The following CAMKMT variants were observed in gnomAD, a reference collection of about 807,000 sequenced individuals.
CAMKMT encodes the protein CaM KMT.
A neutral mutation model predicts 48.0 loss-of-function variants in CAMKMT; 53 were observed. The observed-to-expected ratio is 1.10, with a 90% CI of 0.89 to 1.39. CAMKMT has a LOEUF of 1.39. Among genes scored for constraint, CAMKMT ranks in the 40% most tolerant of loss-of-function variants. The probability of loss-of-function intolerance (pLI) is 0.00; values close to 1 mark genes in which losing one functional copy is unlikely to be tolerated. For synonymous variants in CAMKMT, 165 were observed against 152.3 expected (o/e 1.08, Z -0.61); for missense variants, 428 against 402.7 (o/e 1.06, Z -0.54).
intron 2 of CAMKMT, among the ~76,000 whole-genome samples, chr2:44,388,840 T>G (rs1364166786): frequency 6.6e-6 from 1 of 152,074 alleles, no homozygotes; most frequent in Non-Finnish European, 1.5e-5. Context: ...CTGCACAGAG[T>G]CCTGTGATGT....
intron 3 of CAMKMT, among the ~76,000 whole-genome samples, chr2:44,525,380 G>A (rs1671351879): frequency 6.6e-6 from 1 of 151,742 alleles, no homozygotes; most frequent in South Asian, 2.1e-4. Context: ...CTCAGCCTCC[G>A]AGTAGCTGGG....
At chr2:44,615,167 C>T (rs57320336) in intron 3 of CAMKMT, among the ~76,000 whole-genome samples, 2 of 151,662 alleles carry the variant, frequency 1.3e-5, no homozygotes, top group African/African-American at 4.9e-5. Context: ...CTCAAGTGAT[C>T]CCCCGACCTC....
At chr2:44,476,114 C>T (rs1572605898) in intron 3 of CAMKMT, among the ~76,000 whole-genome samples, 1 of 152,038 alleles carries the variant, frequency 6.6e-6, no homozygotes, top group Non-Finnish European at 1.5e-5. Context: ...TCTAAAATGC[C>T]TTTTGTCCTC....
chr2:44,620,398 T>C (rs1231919609), intron 3 of CAMKMT, among the ~76,000 whole-genome samples: 3 of 152,200 alleles, frequency 2.0e-5, no homozygotes, highest in African/African-American at 7.2e-5. Context: ...CATCCTATCA[T>C]TAACCCTACA....
At chr2:44,700,180 A>G (rs1270012507) in intron 3 of CAMKMT, among the ~76,000 whole-genome samples, 1 of 152,230 alleles carries the variant, frequency 6.6e-6, no homozygotes, top group East Asian at 1.9e-4. Context: ...TTCAGCCTTC[A>G]TAGAATTGAA....
intron 3 of CAMKMT, among the ~76,000 whole-genome samples, chr2:44,416,088 A>G (rs1444855634): frequency 6.6e-6 from 1 of 152,218 alleles, no homozygotes; most frequent in Non-Finnish European, 1.5e-5. Context: ...ATATCAATTT[A>G]TGAAGTATGG....
At chr2:44,464,108 A>G (rs1300905305) in intron 3 of CAMKMT, among the ~76,000 whole-genome samples, 3 of 152,252 alleles carry the variant, frequency 2.0e-5, no homozygotes, top group Admixed American at 6.5e-5. Flanking sequence ...CAAACAAAGC[A>G]TGAACAGAAT....
chr2:44,425,420 A>G (rs1684215226), intron 3 of CAMKMT, among the ~76,000 whole-genome samples: 1 of 152,230 alleles, frequency 6.6e-6, no homozygotes, highest in Non-Finnish European at 1.5e-5. Context: ...AAGTTATCGT[A>G]GAAGTATAAA....
In CAMKMT at chr2:44,675,486, T is replaced by C. The variant is rs552616538; in HGVS notation, c.377-28797T>C. Among the ~76,000 whole-genome samples, 5 of 152,300 alleles carry C rather than the reference T, an allele frequency of 3.3e-5. 1 individual carries two copies. The East Asian group carries it at 7.7e-4, about 24-fold the overall frequency. On this transcript the variant is annotated intron_variant, in intron 3 of 10. Transcript: ENST00000378494. ...CCTCACCCTCCCTGTTCTCCTTCTT[T>C]CTTTTCCTTCTTCCTTTCTGGTAAG... is the stretch of plus-strand genomic sequence containing the variant.
chr2:44,638,855 G>A (rs1188880878), intron 3 of CAMKMT, among the ~76,000 whole-genome samples: 1 of 152,152 alleles, frequency 6.6e-6, no homozygotes, highest in African/African-American at 2.4e-5. Context: ...AGAGGCCTTG[G>A]ACTGCCAGTT....
At chr2:44,633,874 G>T (rs1203937657) in intron 3 of CAMKMT, among the ~76,000 whole-genome samples, 2 of 151,954 alleles carry the variant, frequency 1.3e-5, no homozygotes, top group African/African-American at 4.8e-5. Context: ...TGTTTTGGTA[G>T]TCAGTTAAGC....
chr2:44,384,567 TG>T (rs1247286456), intron 2 of CAMKMT, among the ~76,000 whole-genome samples: 1 of 147,906 alleles, frequency 6.8e-6, no homozygotes, highest in Non-Finnish European at 1.5e-5. Context: ...CCTAAGACAA[TG>T]TCTAGAAGAG....
chr2:44,761,353 A>C (rs916734226), intron 9 of CAMKMT, among the ~76,000 whole-genome samples: 1 of 152,086 alleles, frequency 6.6e-6, no homozygotes, highest in Admixed American at 6.5e-5. Context: ...TGTATGAGGG[A>C]GTGGCAGGAG....
intron 3 of CAMKMT, among the ~76,000 whole-genome samples, chr2:44,449,609 T>G (rs545526765): frequency 1.3e-5 from 2 of 152,302 alleles, no homozygotes; most frequent in East Asian, 3.9e-4. Flanking sequence ...CTTTTTATTC[T>G]TTAGACTTTA....
At chr2:44,697,916 A>C (rs535578081) in intron 3 of CAMKMT, among the ~76,000 whole-genome samples, 6 of 152,206 alleles carry the variant, frequency 3.9e-5, no homozygotes, top group Non-Finnish European at 8.8e-5. Context: ...AAAAGAGTTG[A>C]AAGTAATAGT....
At chr2:44,715,824 A>C (rs1168477086) in intron 7 of CAMKMT, among the ~76,000 whole-genome samples, 1 of 152,128 alleles carries the variant, frequency 6.6e-6, no homozygotes, top group South Asian at 2.1e-4. Context: ...TGAACATCCT[A>C]TGTTGCTTAG....
At chr2:44,752,331 C>G (rs557098046) in intron 8 of CAMKMT, among the ~76,000 whole-genome samples, 2 of 151,614 alleles carry the variant, frequency 1.3e-5, no homozygotes, top group East Asian at 4.0e-4. Context: ...GATCACGTAT[C>G]CCAATATGGG....
chr2:44,651,663 C>T (rs1674073006), intron 3 of CAMKMT, among the ~76,000 whole-genome samples: 1 of 152,156 alleles, frequency 6.6e-6, no homozygotes, highest in Non-Finnish European at 1.5e-5. Flanking sequence ...TGGAAAAAGT[C>T]AGCAACAGTG....
At chr2:44,374,324 G>C (rs1679470591) in intron 2 of CAMKMT, among the ~76,000 whole-genome samples, 1 of 152,136 alleles carries the variant, frequency 6.6e-6, no homozygotes, top group Non-Finnish European at 1.5e-5. Context: ...GTCAGGTACA[G>C]AGCTAGGTGT....
Sources: allele counts gnomAD v4.1 joint callset (sites outside exome capture counted in the v4.1 genomes callset), GRCh38; gene constraint gnomAD v4.1.1; transcripts MANE v1.5; gene names NCBI Gene and HGNC (gene_info 2026-07-23, HGNC 2026-07-21).